The following AGPS variants were observed in gnomAD, a reference collection of about 807,000 sequenced individuals.
The protein encoded by AGPS is alkylglycerone phosphate synthase.
Under a neutral mutation model 90.7 loss-of-function variants are expected in AGPS, and 26 were observed. That is an observed-to-expected ratio of 0.29 (90% CI 0.21 to 0.40). The LOEUF (loss-of-function observed/expected upper bound fraction) is 0.40, where lower values mean the gene tolerates loss of function less well. Among genes scored for constraint, AGPS ranks in the 10% least tolerant of loss-of-function variants. AGPS has a pLI of 1.00. For missense variants in AGPS, 540 were observed against 816.1 expected, an observed-to-expected ratio of 0.66 and a Z score of 4.12; for synonymous variants, 294 against 285.3, an observed-to-expected ratio of 1.03 and a Z score of -0.31.
intron 19 of AGPS, among the ~76,000 whole-genome samples, chr2:177,531,709 A>G (rs2079138736): frequency 6.6e-6 from 1 of 152,204 alleles, no homozygotes; most frequent in African/African-American, 2.4e-5. Context: ...GAAAAAATGA[A>G]TAAAGTAAAA....
intron 3 of AGPS, among the ~76,000 whole-genome samples, 173 bp from the exon 4 acceptor site, chr2:177,436,591 T>C (rs1311055135): frequency 6.6e-6 from 1 of 152,198 alleles, no homozygotes; most frequent in Admixed American, 6.5e-5. Context: ...AAATTTGTAA[T>C]TTGTTACTCT....
intron 12 of AGPS, among the ~76,000 whole-genome samples, chr2:177,494,771 A>AT (rs1688365359): frequency 6.6e-6 from 1 of 152,076 alleles, no homozygotes; most frequent in South Asian, 2.1e-4. Flanking sequence ...CCCTTTACTT[A>AT]GCCACCAAAG....
chr2:177,397,781 C>G (rs909570056), intron 1 of AGPS, among the ~76,000 whole-genome samples: 1 of 152,180 alleles, frequency 6.6e-6, no homozygotes, highest in Non-Finnish European at 1.5e-5. Context: ...ATAATCCCAG[C>G]ACTTTGGGAG....
chr2:177,501,585 C>T (rs1399855282), intron 14 of AGPS, among the ~76,000 whole-genome samples: 4 of 152,180 alleles, frequency 2.6e-5, no homozygotes, highest in Admixed American at 1.3e-4. Flanking sequence ...TGCCTAATTA[C>T]TGTGCCACCT....
chr2:177,464,647 T>C (rs533426600), intron 9 of AGPS, among the ~76,000 whole-genome samples: 39 of 152,384 alleles, frequency 2.6e-4, no homozygotes, highest in Middle Eastern at 3.4e-3. Flanking sequence ...CCATCTCAAA[T>C]ACTTCTCAAT....
intron 11 of AGPS, among the ~76,000 whole-genome samples, chr2:177,484,848 T>C (rs921042523): frequency 6.6e-6 from 1 of 152,188 alleles, no homozygotes; most frequent in Non-Finnish European, 1.5e-5. Context: ...ACGCAGCCTC[T>C]CAATCTCCTG....
intron 8 of AGPS, among the ~76,000 whole-genome samples, chr2:177,458,744 A>G (rs920003311): frequency 1.3e-5 from 2 of 152,244 alleles, no homozygotes; most frequent in Non-Finnish European, 2.9e-5. Flanking sequence ...AAATGGCCAT[A>G]CTGCCCAAAG....
intron 10 of AGPS, among the ~76,000 whole-genome samples, chr2:177,477,535 T>G (rs974581836): frequency 6.6e-6 from 1 of 152,080 alleles, no homozygotes; most frequent in African/African-American, 2.4e-5. Flanking sequence ...CATTTTGGAG[T>G]TTGGATTTTT....
intron 17 of AGPS, among the ~76,000 whole-genome samples, chr2:177,514,552 T>C (rs1033161432): frequency 6.6e-6 from 1 of 152,334 alleles, no homozygotes; most frequent in African/African-American, 2.4e-5. Context: ...TAAGCTTACT[T>C]GCTCCTTATA....
chr2:177,498,278 T>A (rs539473168), intron 13 of AGPS, among the ~76,000 whole-genome samples: 1 of 151,916 alleles, frequency 6.6e-6, no homozygotes, highest in East Asian at 1.9e-4. Context: ...ACATTTTTTT[T>A]ATTTTCTAGA....
chr2:177,459,599 A>T (rs1321411260), intron 8 of AGPS, among the ~76,000 whole-genome samples: 1 of 152,252 alleles, frequency 6.6e-6, no homozygotes, highest in Non-Finnish European at 1.5e-5. Flanking sequence ...AGCGAAATGC[A>T]AATCAAAACC....
chr2:177,417,045 G>T (rs538185317), intron 1 of AGPS, among the ~76,000 whole-genome samples: 5 of 152,290 alleles, frequency 3.3e-5, no homozygotes, highest in African/African-American at 1.2e-4. Flanking sequence ...TACACTATCG[G>T]AAGTATAGGG....
At chr2:177,393,105 T>G in intron 1 of AGPS, 56 bp downstream of exon 1, 1 of 1,549,996 alleles carries the variant, frequency 6.5e-7, no homozygotes. Context: ...GGGCCTGTGC[T>G]GCAGGAGGGC....
At chr2:177,413,253 G>T (rs1269206023) in intron 1 of AGPS, among the ~76,000 whole-genome samples, 1 of 152,172 alleles carries the variant, frequency 6.6e-6, no homozygotes, top group Non-Finnish European at 1.5e-5. Context: ...GGTATTGTTG[G>T]TCTGTCCCCA....
At chr2:177,460,121 C>G (rs1031725355) in intron 8 of AGPS, among the ~76,000 whole-genome samples, 2 of 152,080 alleles carry the variant, frequency 1.3e-5, no homozygotes, top group African/African-American at 2.4e-5. Context: ...ACAATGAGTA[C>G]ACATGGATAC....
At chr2:177,497,515 A>G (rs1688444165) in intron 12 of AGPS, among the ~76,000 whole-genome samples, 174 bp from the exon 13 acceptor site, 1 of 151,876 alleles carries the variant, frequency 6.6e-6, no homozygotes, top group South Asian at 2.1e-4. Context: ...AGTAGCAAAT[A>G]TTAATATAAC....
At chr2:177,512,389 A>G (rs1351257678) in intron 16 of AGPS, among the ~76,000 whole-genome samples, 2 of 152,194 alleles carry the variant, frequency 1.3e-5, no homozygotes, top group Non-Finnish European at 2.9e-5. Flanking sequence ...ATTAGATTTT[A>G]TAAAACTTTC....
intron 2 of AGPS, among the ~76,000 whole-genome samples, chr2:177,429,370 C>T (rs1271860563): frequency 6.6e-6 from 1 of 152,164 alleles, no homozygotes; most frequent in Non-Finnish European, 1.5e-5. Context: ...GTATTGTGGT[C>T]ATTTGGAGGA....
At chr2:177,450,963 C>CATATATATATATATATATATATATAT (rs1400248543) in intron 8 of AGPS, among the ~76,000 whole-genome samples, 25 of 6,354 alleles carry the variant, frequency 3.9e-3, no homozygotes, top group African/African-American at 7.0e-3. Context: ...ACATGTCTTT[C>CATATATATATATATATATATATATAT]ATATATATAT....
Sources: allele counts gnomAD v4.1 joint callset (sites outside exome capture counted in the v4.1 genomes callset), GRCh38; gene constraint gnomAD v4.1.1; transcripts MANE v1.5; gene names NCBI Gene and HGNC (gene_info 2026-07-23, HGNC 2026-07-21).